Variants in NETO1 observed in about 807,000 individuals in gnomAD.
The protein encoded by NETO1 is neuropilin and tolloid like 1.
A neutral mutation model predicts 61.3 loss-of-function variants in NETO1; 26 were observed. The ratio of observed to expected loss-of-function variants is 0.42; its 90% confidence interval spans 0.31 to 0.59. The LOEUF is 0.59. Ranked by LOEUF, NETO1 falls within the 20% of genes least tolerant of loss-of-function variation. The pLI is 0.12. For synonymous variants in NETO1, 225 were observed against 225.8 expected, an observed-to-expected ratio of 1.00 and a Z score of 0.03; for missense variants, 531 against 662.8, an observed-to-expected ratio of 0.80 and a Z score of 2.18.
chr18:72,867,384 T>C lies in NETO1; in HGVS notation c.-93A>G, dbSNP rs1599207505. On this transcript the variant is annotated 5_prime_UTR_variant, in exon 1 of 11. Coordinates refer to ENST00000327305, the MANE Select transcript of NETO1 (RefSeq NM_138966.5). Reference sequence around the variant, plus strand: ...GCGGGGGGAGGACAGGGTCGAGAGGTGTTAAAGACGCAAAGCAAGAAGGAA... The same window carrying C: ...GCGGGGGGAGGACAGGGTCGAGAGGCGTTAAAGACGCAAAGCAAGAAGGAA... The C allele has an allele frequency of 1.0e-6, 1 of 981,362 alleles. No individual in the cohort carries two copies. Among genetic ancestry groups the C allele is most frequent in the South Asian group, 2.1e-5 (1 of 46,778 alleles). The allele number at this position is 981,362 out of a possible 1,614,324, so 60.8% of individuals were successfully genotyped here. A position where few individuals can be genotyped will look rare whatever the true frequency, so the allele number is the denominator to read the frequency against.
chr18:72,859,929 C>CA (rs35328297), intron 3 of NETO1, among the ~76,000 whole-genome samples: 143,529 of 148,730 alleles, frequency 0.97, 69,258 homozygotes, highest in East Asian at 1. Flanking sequence ...CGAAAATTTC[C>CA]AAAAAAAAAA....
chr18:72,815,091 T>C (rs2072990813), intron 4 of NETO1, among the ~76,000 whole-genome samples: 1 of 152,188 alleles, frequency 6.6e-6, no homozygotes, highest in Non-Finnish European at 1.5e-5. Flanking sequence ...TTGGGCAGCA[T>C]CTATCTTGGT....
At chr18:72,841,874 G>A (rs899814392) in intron 4 of NETO1, among the ~76,000 whole-genome samples, 1 of 151,460 alleles carries the variant, frequency 6.6e-6, no homozygotes, top group Non-Finnish European at 1.5e-5. Flanking sequence ...CACATGCTCT[G>A]CCACCTGCCA....
rs898267959 is a variant in NETO1, at chr18:72,834,861, T to C, written c.469+23965A>G. On this transcript the variant is annotated intron_variant, in intron 4 of 10. Transcript: ENST00000327305. ...AGTGGAGACTATTATAATAAAAAGA[T>C]TGTAATACAAGAATAAATTATCGAA... 8.5e-6 allele frequency: 8 copies of C among 943,770 alleles called. No individual in the cohort carries two copies. In the African/African-American group the frequency reaches 1.2e-4, roughly 15 times the overall value. The allele number at this position is 943,770 out of a possible 1,614,324, so 58.5% of individuals were successfully genotyped here. A position where few individuals can be genotyped will look rare whatever the true frequency, so the allele number is the denominator to read the frequency against.
intron 4 of NETO1, among the ~76,000 whole-genome samples, chr18:72,807,745 CACACACA>C (rs558389018): frequency 6.5e-5 from 7 of 108,516 alleles, no homozygotes; most frequent in African/African-American, 2.1e-4. Flanking sequence ...CACACACACA[CACACACA>C]CACCCATACT....
chr18:72,826,643 C>T (rs1012537730), intron 4 of NETO1, among the ~76,000 whole-genome samples: 2 of 152,014 alleles, frequency 1.3e-5, no homozygotes, highest in Non-Finnish European at 2.9e-5. Flanking sequence ...ATTTCTGTTT[C>T]CGTGAGACAG....
chr18:72,754,910 A>G (rs1215029122), intron 8 of NETO1, among the ~76,000 whole-genome samples: 1 of 152,216 alleles, frequency 6.6e-6, no homozygotes, highest in Non-Finnish European at 1.5e-5. Flanking sequence ...TCAAGTGCAC[A>G]TGGGACAAAC....
At chr18:72,760,998 T>G (rs1328637069) in intron 7 of NETO1, among the ~76,000 whole-genome samples, 1 of 152,122 alleles carries the variant, frequency 6.6e-6, no homozygotes, top group East Asian at 1.9e-4. Context: ...TTACCTGTTC[T>G]TGAACTACCA....
At chr18:72,754,161 T>A (rs1222619033) in intron 8 of NETO1, among the ~76,000 whole-genome samples, 5 of 152,022 alleles carry the variant, frequency 3.3e-5, no homozygotes, top group Admixed American at 3.3e-4. Context: ...ATGTTTTAAG[T>A]CCTAAAGCAA....
intron 8 of NETO1, among the ~76,000 whole-genome samples, chr18:72,754,441 C>T (rs2070721605): frequency 6.6e-6 from 1 of 151,944 alleles, no homozygotes; most frequent in African/African-American, 2.4e-5. Context: ...ACAAAAGAAA[C>T]ACTTTATATT....
rs935767706 is a variant in NETO1, at chr18:72,744,919, T to G, written c.*3260A>C. The G allele has an allele frequency of 6.6e-6, 1 of 152,140 alleles. No homozygotes were observed. Among genetic ancestry groups the G allele is most frequent in the African/African-American group, 2.4e-5 (1 of 41,442 alleles). The allele number at this position is 152,140 out of a possible 1,614,324, so 9.4% of individuals were successfully genotyped here. A position where few individuals can be genotyped will look rare whatever the true frequency, so the allele number is the denominator to read the frequency against. Reference sequence around the variant, plus strand: ...TGTAAAATTTGAGGAAGACCCGAATTAAATTCCTAAGGGAAAAATACAGAA... The same window carrying G: ...TGTAAAATTTGAGGAAGACCCGAATGAAATTCCTAAGGGAAAAATACAGAA... On this transcript the variant is annotated 3_prime_UTR_variant, in exon 11 of 11. Coordinates refer to ENST00000327305, the MANE Select transcript of NETO1 (RefSeq NM_138966.5).
chr18:72,797,607 G>C (rs888419638), intron 4 of NETO1, among the ~76,000 whole-genome samples: 4 of 152,144 alleles, frequency 2.6e-5, no homozygotes, highest in African/African-American at 9.7e-5. Flanking sequence ...CTGTCCCTCA[G>C]CCTGTTCTCT....
At chr18:72,817,502 AGAT>A (rs774910279) in intron 4 of NETO1, among the ~76,000 whole-genome samples, 25 of 152,360 alleles carry the variant, frequency 1.6e-4, no homozygotes, top group Middle Eastern at 3.4e-3. Flanking sequence ...TAAATGTTAG[AGAT>A]TTTTTTTTAA....
chr18:72,794,778 A>T (rs1394458751), intron 4 of NETO1, among the ~76,000 whole-genome samples: 1 of 152,214 alleles, frequency 6.6e-6, no homozygotes, highest in Non-Finnish European at 1.5e-5. Flanking sequence ...TTTTGTAAAA[A>T]GTATCAATAG....
chr18:72,855,356 C>T (rs2074384365), intron 4 of NETO1, among the ~76,000 whole-genome samples: 1 of 152,232 alleles, frequency 6.6e-6, no homozygotes, highest in Non-Finnish European at 1.5e-5. Flanking sequence ...TGCTCAATCT[C>T]ACAATCCTTC....
intron 4 of NETO1, among the ~76,000 whole-genome samples, chr18:72,816,325 A>G (rs1384200042): frequency 6.6e-6 from 1 of 152,232 alleles, no homozygotes; most frequent in Non-Finnish European, 1.5e-5. Context: ...ATCCCAAAGC[A>G]CGCTGGAAAA....
intron 7 of NETO1, among the ~76,000 whole-genome samples, chr18:72,765,035 T>C (rs2071108001): frequency 6.6e-6 from 1 of 152,190 alleles, no homozygotes; most frequent in African/African-American, 2.4e-5. Context: ...CATCTGAAAG[T>C]ATAAATCAGG....
intron 4 of NETO1, among the ~76,000 whole-genome samples, chr18:72,809,629 G>T (rs2072796823): frequency 6.6e-6 from 1 of 152,164 alleles, no homozygotes; most frequent in South Asian, 2.1e-4. Flanking sequence ...TTAATTCAAA[G>T]AATATCTCAA....
chr18:72,863,941 C>T (rs144372096), intron 3 of NETO1, among the ~76,000 whole-genome samples: 95 of 152,158 alleles, frequency 6.2e-4, no homozygotes, highest in Non-Finnish European at 9.4e-4. Context: ...AGGTGTTGGC[C>T]GGGAGCCATG....
Sources: allele counts gnomAD v4.1 joint callset (sites outside exome capture counted in the v4.1 genomes callset), GRCh38; gene constraint gnomAD v4.1.1; transcripts MANE v1.5; gene names NCBI Gene and HGNC (gene_info 2026-07-23, HGNC 2026-07-21).